The following TMCO6 variants were observed in gnomAD, a reference collection of about 807,000 sequenced individuals.
TMCO6 encodes the protein transmembrane and coiled-coil domain-containing protein 6.
TMCO6 carries 47 observed loss-of-function variants against 61.8 expected under a neutral mutation model. That is an observed-to-expected ratio of 0.76 (90% CI 0.60 to 0.97). The LOEUF (loss-of-function observed/expected upper bound fraction) is 0.97. Among genes scored for constraint, TMCO6 ranks in the 50% least tolerant of loss-of-function variants. The pLI is 0.00. For synonymous variants in TMCO6, 261 were observed against 254.2 expected (o/e 1.03, Z -0.25); for missense variants, 557 against 601.6 (o/e 0.93, Z 0.78).
the TMCO6 span, among the ~76,000 whole-genome samples, chr5:140,623,524 C>T: frequency 3.3e-4 from 50 of 152,148 alleles, no homozygotes; most frequent in Non-Finnish European, 2.9e-5. Context: ...TCCTGAACCC[C>T]ATCGGTCTCT....
upstream of TMCO6, among the ~76,000 whole-genome samples, chr5:140,637,193 A>G (rs1019900097): frequency 3.1e-4 from 47 of 152,256 alleles, no homozygotes; most frequent in African/African-American, 1.1e-3. Context: ...CTTGTTGACA[A>G]AGAGAAGGTC....
downstream of TMCO6, chr5:140,647,488 G>A (rs777827533): frequency 4.3e-6 from 7 of 1,612,092 alleles, no homozygotes; most frequent in Middle Eastern, 3.3e-4. Context: ...CTCACCTGAC[G>A]CCCTGGCTGC....
At chr5:140,631,517 C>G in the TMCO6 span, among the ~76,000 whole-genome samples, 1 of 152,168 alleles carries the variant, frequency 6.6e-6, no homozygotes, top group Non-Finnish European at 1.5e-5. Context: ...TCAGAAAGCC[C>G]TGACTGCACA....
chr5:140,643,759 C>A, intron 8 of TMCO6, 21 bp from the exon 9 acceptor site: 3 of 1,611,328 alleles, frequency 1.9e-6, no homozygotes, highest in Non-Finnish European at 2.5e-6. Context: ...TTACACCTGA[C>A]CCCCCAATTT....
the TMCO6 span, chr5:140,632,949 A>T: frequency 6.2e-7 from 1 of 1,613,308 alleles, no homozygotes; most frequent in Non-Finnish European, 8.5e-7. The surrounding 1 kb of genome is among the most constrained non-coding windows in gnomAD (Gnocchi z 6.2). Flanking sequence ...CACCAGCGGC[A>T]GCAGCAGCAG....
At chr5:140,610,267 G>C in the TMCO6 span, among the ~76,000 whole-genome samples, 4 of 150,682 alleles carry the variant, frequency 2.7e-5, no homozygotes, top group Non-Finnish European at 4.4e-5. Context: ...TGAGGCAGGA[G>C]AATTGCTTGA....
chr5:140,604,058 C>A, the TMCO6 span, among the ~76,000 whole-genome samples: 1 of 152,150 alleles, frequency 6.6e-6, no homozygotes, highest in African/African-American at 2.4e-5. Flanking sequence ...GTAGTGATAT[C>A]TCATTGTGCC....
chr5:140,615,008 AT>A, the TMCO6 span, among the ~76,000 whole-genome samples: 1 of 152,204 alleles, frequency 6.6e-6, no homozygotes, highest in Non-Finnish European at 1.5e-5. Context: ...AAGAAGTAAA[AT>A]TAATCTCCAT....
the TMCO6 span, chr5:140,632,402 C>T: frequency 6.2e-7 from 1 of 1,614,098 alleles, no homozygotes; most frequent in Non-Finnish European, 8.5e-7. This position sits in a 1 kb window ranked among gnomAD's most constrained non-coding sequence, Gnocchi z 6.2. Context: ...TGGTAAGGGC[C>T]GGGAAGGCGC....
chr5:140,614,500 G>A, the TMCO6 span, among the ~76,000 whole-genome samples: 3 of 148,330 alleles, frequency 2.0e-5, no homozygotes, highest in African/African-American at 7.5e-5. Context: ...CAACAACAGC[G>A]AAACTCTGTT....
upstream of TMCO6, among the ~76,000 whole-genome samples, chr5:140,634,911 C>T (rs568913610): frequency 1.1e-4 from 17 of 152,138 alleles, no homozygotes; most frequent in African/African-American, 3.4e-4. Flanking sequence ...GCTTCCCGAG[C>T]GGCTGGGATT....
the TMCO6 span, among the ~76,000 whole-genome samples, chr5:140,629,656 G>A: frequency 5.3e-5 from 8 of 152,086 alleles, no homozygotes; most frequent in Admixed American, 3.9e-4. Context: ...CAACCTGGCT[G>A]GGTGTGGTGG....
At position 140,645,152 on chromosome 5, in the gene TMCO6, T is replaced by C. The variant is rs893256982; in HGVS notation, c.*54T>C. On this transcript the variant is annotated 3_prime_UTR_variant, in exon 12 of 12. Transcript: ENST00000394671. ...TCTCTCTTAACATCAAGCTTGTTTGTCCAGTAGAGCCTTTGGAGATTTAGG... is the reference window on the plus strand; with the variant it reads ...TCTCTCTTAACATCAAGCTTGTTTGCCCAGTAGAGCCTTTGGAGATTTAGG... 2.4e-5 allele frequency: 37 copies of C among 1,556,762 alleles called. No homozygotes were observed. In the Admixed American group the frequency reaches 6.0e-4, roughly 25 times the overall value.
the TMCO6 span, among the ~76,000 whole-genome samples, chr5:140,605,692 AACACACACACACACAC>A: frequency 8.5e-3 from 1,008 of 118,674 alleles, 9 homozygotes; most frequent in African/African-American, 0.026. Flanking sequence ...AAAAAAACAA[AACACACACACACACAC>A]ACACACACAC....
chr5:140,616,459 G>A, the TMCO6 span, among the ~76,000 whole-genome samples: 3 of 152,302 alleles, frequency 2.0e-5, no homozygotes, highest in South Asian at 6.2e-4. Flanking sequence ...CTACCTAGGA[G>A]GCTGAGGTGG....
At chr5:140,632,594 G>A in the TMCO6 span, 1 of 1,613,996 alleles carries the variant, frequency 6.2e-7, no homozygotes. This position sits in a 1 kb window ranked among gnomAD's most constrained non-coding sequence, Gnocchi z 6.2. Flanking sequence ...GAGGCATGGT[G>A]CCGGTTATCT....
intron 10 of TMCO6, 53 bp from the exon 11 acceptor site, chr5:140,644,520 G>A: frequency 6.3e-7 from 1 of 1,594,220 alleles, no homozygotes; most frequent in Non-Finnish European, 8.6e-7. Flanking sequence ...TTTAGCTATT[G>A]TTATGATCTT....
chr5:140,645,618 G>A (rs762577859), downstream of TMCO6: 3 of 1,614,024 alleles, frequency 1.9e-6, no homozygotes, highest in Non-Finnish European at 1.7e-6. Flanking sequence ...GTTCTCCAGG[G>A]CTCTGGTTAC....
chr5:140,632,669 T>C, the TMCO6 span: 1 of 1,613,794 alleles, frequency 6.2e-7, no homozygotes, highest in Non-Finnish European at 8.5e-7. This position sits in a 1 kb window ranked among gnomAD's most constrained non-coding sequence, Gnocchi z 6.2. Flanking sequence ...CGCCTACCAG[T>C]AGCTGAGCAG....
Sources: allele counts gnomAD v4.1 joint callset (sites outside exome capture counted in the v4.1 genomes callset), GRCh38; gene constraint gnomAD v4.1.1; non-coding constraint Gnocchi (gnomAD v3.1); transcripts MANE v1.5; gene names NCBI Gene and HGNC (gene_info 2026-07-23, HGNC 2026-07-21).